Variants in RPTOR observed in about 807,000 individuals in gnomAD.
RPTOR encodes the protein regulatory associated protein of MTOR complex 1.
Under a neutral mutation model 169.9 loss-of-function variants are expected in RPTOR, and 21 were observed. The observed-to-expected ratio is 0.12, with a 90% confidence interval of 0.09 to 0.18. The LOEUF (loss-of-function observed/expected upper bound fraction) is 0.18, where lower values mean the gene tolerates loss of function less well. RPTOR is among the 10% of genes least tolerant of loss of function. The pLI, the probability that RPTOR is intolerant of heterozygous loss-of-function variation, is 1.00. For synonymous variants in RPTOR, 732 were observed against 753.2 expected (o/e 0.97, Z 0.46); for missense variants, 1,133 against 1,855.9 (o/e 0.61, Z 7.16).
chr17:80,771,701 G>T (rs943880707), intron 6 of RPTOR, among the ~76,000 whole-genome samples: 1 of 151,706 alleles, frequency 6.6e-6, no homozygotes, highest in African/African-American at 2.4e-5. Context: ...TCAGACTTGG[G>T]TGGGGTGGGG....
In RPTOR at chr17:80,964,314, A is replaced by G. The variant is rs1486230618; in HGVS notation, c.3992A>G (p.Glu1331Gly). The change falls in exon 34 of 34, where the codon GAG becomes GGG. Residue 1331 changes from glutamate to glycine, a missense_variant. Around this residue, in one of 9 missense-constraint regions of RPTOR, gnomAD observed 410 missense variants for 623.7 expected, o/e 0.66. Transcript: ENST00000306801. ...NDYYISVYSV[E>G]KRVR ...TACTACATCTCCGTGTACTCGGTGG[A>G]GAAGCGTGTCAGATAGCGGCGTGAC... is the stretch of plus-strand genomic sequence containing the variant. 6.2e-7 allele frequency: 1 copy of G among 1,607,496 alleles called. No individual in the cohort carries two copies. Among genetic ancestry groups the G allele is most frequent in the Non-Finnish European group, 8.5e-7 (1 of 1,179,712 alleles).
At chr17:80,787,883 A>G (rs910231139) in intron 6 of RPTOR, among the ~76,000 whole-genome samples, 1 of 152,142 alleles carries the variant, frequency 6.6e-6, no homozygotes, top group Non-Finnish European at 1.5e-5. Context: ...CTAGGTTTTC[A>G]ATCCTGGTTA....
At chr17:80,738,283 C>T (rs2143239246) in intron 5 of RPTOR, among the ~76,000 whole-genome samples, 1 of 152,342 alleles carries the variant, frequency 6.6e-6, no homozygotes, top group African/African-American at 2.4e-5. Flanking sequence ...GACATTTGTG[C>T]CGTTTCATCC....
chr17:80,567,506 G>T (rs2064856668), intron 1 of RPTOR, among the ~76,000 whole-genome samples: 2 of 151,734 alleles, frequency 1.3e-5, no homozygotes, highest in South Asian at 4.2e-4. Flanking sequence ...CTTAAAAAAG[G>T]TCTGGCCGGG....
intron 1 of RPTOR, among the ~76,000 whole-genome samples, chr17:80,575,340 A>T (rs2064952663): frequency 6.6e-6 from 1 of 152,188 alleles, no homozygotes; most frequent in East Asian, 1.9e-4. Context: ...TCTAAATTTT[A>T]TTTTGACTTG....
At position 80,646,858 on chromosome 17, in the gene RPTOR, G is replaced by A. The variant is rs546504219; in HGVS notation, c.348+3048G>A. ...AGTTTGTCGGAGTCGTTGCCTCCAC[G>A]CTGGCATGGATGGGAGCAGAGTAGG... On this transcript the variant is annotated intron_variant, in intron 3 of 33. Coordinates refer to ENST00000306801, the MANE Select transcript of RPTOR (RefSeq NM_020761.3). This position sits in a 1 kb window ranked among gnomAD's most constrained non-coding sequence, Gnocchi z 5.0. Among the ~76,000 whole-genome samples the A allele has an allele frequency of 9.9e-5, 15 of 152,234 alleles. No individual in the cohort carries two copies. The highest frequency in any genetic ancestry group is 2.1e-4 in the South Asian group (1 of 4,822).
chr17:80,760,247 G>A (rs2066721056), intron 6 of RPTOR, among the ~76,000 whole-genome samples: 1 of 151,788 alleles, frequency 6.6e-6, no homozygotes, highest in Admixed American at 6.6e-5. Flanking sequence ...AAGAGCCACA[G>A]GCAATATATA....
At position 80,878,338 on chromosome 17, in the gene RPTOR, C is replaced by T. The variant is rs989899173; in HGVS notation, c.1510-2077C>T. Among the ~76,000 whole-genome samples, 13 of 152,242 alleles carry T rather than the reference C, an allele frequency of 8.5e-5. No homozygotes were observed. The South Asian group carries it at 1.2e-3, about 15-fold the overall frequency. On this transcript the variant is annotated intron_variant, in intron 13 of 33. Transcript: ENST00000306801. This position sits in a 1 kb window ranked among gnomAD's most constrained non-coding sequence, Gnocchi z 4.1. ...ATGCGTGGTTTCATCTCTGACTCCA[C>T]GACCTGAGCACAGATTTTTTTTTTT...
At chr17:80,628,845 A>G (rs2065416299) in intron 2 of RPTOR, among the ~76,000 whole-genome samples, 1 of 152,220 alleles carries the variant, frequency 6.6e-6, no homozygotes, top group Non-Finnish European at 1.5e-5. Context: ...TCATTTTTGA[A>G]AAGTTCCCAT....
chr17:80,765,486 G>A (rs1170774434), intron 6 of RPTOR, among the ~76,000 whole-genome samples: 2 of 152,142 alleles, frequency 1.3e-5, no homozygotes, highest in Admixed American at 6.5e-5. Context: ...TTTGTCGAGC[G>A]TCACTGGAGC....
chr17:80,869,285 G>A (rs184023435), intron 13 of RPTOR, among the ~76,000 whole-genome samples: 7 of 152,104 alleles, frequency 4.6e-5, no homozygotes, highest in African/African-American at 1.7e-4. Context: ...TCCGCCTCCC[G>A]AGTAGCTAGG....
chr17:80,793,419 T>A (rs1290923693), intron 7 of RPTOR, among the ~76,000 whole-genome samples: 1 of 152,224 alleles, frequency 6.6e-6, no homozygotes. Flanking sequence ...CAGGCAGCTC[T>A]TGGGTGAAAA....
intron 3 of RPTOR, among the ~76,000 whole-genome samples, chr17:80,663,749 C>T (rs893979541): frequency 6.6e-6 from 1 of 152,138 alleles, no homozygotes; most frequent in Admixed American, 6.5e-5. Context: ...TCCCCAGTCA[C>T]AGTCCCCTCT....
rs536196387 is a variant in RPTOR at position 80,601,555 on chromosome 17, C to CTT, written c.163-24120_163-24119dup. Among the ~76,000 whole-genome samples, 41 of 18,000 alleles carry CTT rather than the reference C, an allele frequency of 2.3e-3. 8 individuals carry two copies. The highest frequency in any genetic ancestry group is 3.3e-3 in the Non-Finnish European group (36 of 10,884). 11.8% of individuals were successfully genotyped at this position (18,000 alleles called of 152,430 possible). On this transcript the variant is annotated intron_variant, in intron 1 of 33. Transcript: ENST00000306801. ...CTGCTGTTGGTGAAGATGGTTCAGT[C>CTT]TTTTTTTTTTTTTTTTTAAATTTAT...
chr17:80,965,226 C>T lies in RPTOR; in HGVS notation c.*896C>T, dbSNP rs1252302530. The T allele has an allele frequency of 1.3e-5, 3 of 233,278 alleles. No homozygotes were observed. Among genetic ancestry groups the T allele is most frequent in the Middle Eastern group, 2.5e-3 (2 of 812 alleles). 14.5% of individuals were successfully genotyped at this position (233,278 alleles called of 1,614,324 possible). On this transcript the variant is annotated 3_prime_UTR_variant, in exon 34 of 34. Coordinates refer to ENST00000306801, the MANE Select transcript of RPTOR (RefSeq NM_020761.3). ...TGTGCCCTCACACAGGTGTAGCACA[C>T]GCATGTGCAGATGGCACCACGGCCG... is the stretch of plus-strand genomic sequence containing the variant.
chr17:80,615,105 C>T (rs1265224333), intron 1 of RPTOR, among the ~76,000 whole-genome samples: 1 of 152,102 alleles, frequency 6.6e-6, no homozygotes, highest in Admixed American at 6.5e-5. Flanking sequence ...TGAGTCTGTT[C>T]CCGCCAGGTT....
At chr17:80,688,669 G>A (rs1038789522) in intron 3 of RPTOR, among the ~76,000 whole-genome samples, 6 of 152,216 alleles carry the variant, frequency 3.9e-5, no homozygotes, top group Non-Finnish European at 7.3e-5. Flanking sequence ...AAGCATCTCC[G>A]GTGCTATGCG....
chr17:80,801,486 A>G (rs920963139), intron 7 of RPTOR, among the ~76,000 whole-genome samples: 3 of 152,192 alleles, frequency 2.0e-5, no homozygotes, highest in Admixed American at 6.5e-5. Flanking sequence ...GGGCTCCTCA[A>G]CAGGAGCCCA....
intron 2 of RPTOR, among the ~76,000 whole-genome samples, chr17:80,634,492 C>CTG (rs139581970): frequency 9.9e-5 from 10 of 101,268 alleles, no homozygotes; most frequent in African/African-American, 4.6e-4. Flanking sequence ...TGTGTGCATA[C>CTG]TGTGTGTGTG....
Sources: gnomAD v4.1 joint callset for allele counts (sites outside exome capture counted in the v4.1 genomes callset) on GRCh38, gnomAD v4.1.1 for gene constraint, gnomAD v4.1.1 regional missense constraint, Gnocchi (gnomAD v3.1) non-coding constraint, MANE v1.5 for transcripts, NCBI Gene and HGNC (gene_info 2026-07-23, HGNC 2026-07-21) for gene names.